SLC24A2: variants seen among roughly 807,000 people sequenced by gnomAD.
SLC24A2 encodes solute carrier family 24 member 2, also known as sodium/potassium/calcium exchanger 2.
Under a neutral mutation model 62.0 loss-of-function variants are expected in SLC24A2, and 36 were observed. That is an observed-to-expected ratio of 0.58 (90% confidence interval 0.44 to 0.77). The LOEUF is 0.77. Ranked by LOEUF, SLC24A2 falls within the 30% of genes least tolerant of loss-of-function variation. The pLI is 0.00. For missense variants in SLC24A2, 846 were observed against 817.9 expected (o/e 1.03, Z -0.42); for synonymous variants, 358 against 294.0 (o/e 1.22, Z -2.23).
chr9:20,306,763 C>T, the SLC24A2 span, among the ~76,000 whole-genome samples: 11 of 152,214 alleles, frequency 7.2e-5, no homozygotes, highest in African/African-American at 2.7e-4. Context: ...GTGGCGTGAT[C>T]TTGGTCCACT....
rs527865050 is a variant in SLC24A2 at position 19,510,797 on chromosome 9, G to C, written c.*5356C>G. 1.3e-5 allele frequency: 2 copies of C among 152,196 alleles called. No individual in the cohort carries two copies. The highest frequency in any genetic ancestry group is 2.9e-5 in the Non-Finnish European group (2 of 68,046). The allele number at this position is 152,196 out of a possible 1,614,324, so 9.4% of individuals were successfully genotyped here. ...TGCTCTACACAGTCCCTCACTGTTCGTACGCTAATTTGAAAACAGTTGCCT... is the reference window on the plus strand; with the variant it reads ...TGCTCTACACAGTCCCTCACTGTTCCTACGCTAATTTGAAAACAGTTGCCT... On this transcript the variant is annotated 3_prime_UTR_variant, in exon 11 of 11. Coordinates refer to ENST00000341998, the MANE Select transcript of SLC24A2 (RefSeq NM_020344.4).
At chr9:19,883,604 C>T in the SLC24A2 span, among the ~76,000 whole-genome samples, 8 of 149,094 alleles carry the variant, frequency 5.4e-5, no homozygotes, top group African/African-American at 1.2e-4. Flanking sequence ...CTTGCTCTGT[C>T]GCCCAGGCTG....
At chr9:20,250,093 C>T in the SLC24A2 span, among the ~76,000 whole-genome samples, 1 of 152,154 alleles carries the variant, frequency 6.6e-6, no homozygotes, top group South Asian at 2.1e-4. Flanking sequence ...ATAGCAAGAC[C>T]TGTTATGATT....
chr9:19,558,101 C>T (rs1835187805), intron 7 of SLC24A2, among the ~76,000 whole-genome samples: 1 of 152,140 alleles, frequency 6.6e-6, no homozygotes, highest in South Asian at 2.1e-4. Context: ...CTGTTCCAGG[C>T]CTCACATTTC....
chr9:19,642,183 C>T (rs1418294081), intron 2 of SLC24A2, among the ~76,000 whole-genome samples: 3 of 152,126 alleles, frequency 2.0e-5, no homozygotes, highest in African/African-American at 4.8e-5. Context: ...CCAGGTGGGA[C>T]AGAGACTAGG....
At chr9:20,004,863 AGAG>A in the SLC24A2 span, among the ~76,000 whole-genome samples, 2 of 152,046 alleles carry the variant, frequency 1.3e-5, no homozygotes, top group East Asian at 1.9e-4. Flanking sequence ...GTTGATGTAA[AGAG>A]GAGATTTCTG....
chr9:19,643,070 G>A (rs1818549375), intron 2 of SLC24A2, among the ~76,000 whole-genome samples: 1 of 147,300 alleles, frequency 6.8e-6, no homozygotes, highest in Non-Finnish European at 1.5e-5. Context: ...TTTATTCAGT[G>A]ATAAAAACCA....
intron 7 of SLC24A2, among the ~76,000 whole-genome samples, chr9:19,553,318 T>C (rs1022636374): frequency 1.3e-5 from 2 of 152,056 alleles, no homozygotes; most frequent in Non-Finnish European, 2.9e-5. Context: ...TTTCCTAGAG[T>C]TGTGGTATGC....
chr9:19,720,093 A>G (rs1309027012), intron 2 of SLC24A2, among the ~76,000 whole-genome samples: 1 of 152,248 alleles, frequency 6.6e-6, no homozygotes, highest in South Asian at 2.1e-4. Flanking sequence ...TGCTAGTACT[A>G]TTAGGTTGGT....
Position 19,513,184 on chromosome 9 carries a change from A to G in SLC24A2, c.*2969T>C, listed in dbSNP as rs368305660. On this transcript the variant is annotated 3_prime_UTR_variant, in exon 11 of 11. Coordinates refer to ENST00000341998, the MANE Select transcript of SLC24A2 (RefSeq NM_020344.4). ...TATATATATATATATATGTATATAT[A>G]TATATATGTATATATTTATATATGT... The G allele has an allele frequency of 1.9e-4, 18 of 93,432 alleles. No homozygotes were observed. The highest frequency in any genetic ancestry group is 6.5e-4 in the African/African-American group (16 of 24,640). 5.8% of individuals were successfully genotyped at this position (93,432 alleles called of 1,614,324 possible).
the SLC24A2 span, among the ~76,000 whole-genome samples, chr9:20,306,605 A>C: frequency 2.0e-5 from 3 of 152,158 alleles, no homozygotes; most frequent in Non-Finnish European, 4.4e-5. Flanking sequence ...CACATCCACT[A>C]ATTGGGCAGG....
the SLC24A2 span, among the ~76,000 whole-genome samples, chr9:20,123,653 G>A: frequency 6.6e-6 from 1 of 152,100 alleles, no homozygotes; most frequent in African/African-American, 2.4e-5. Context: ...TTGTCATGTG[G>A]ACTGAGCTAA....
chr9:20,087,012 C>G, the SLC24A2 span, among the ~76,000 whole-genome samples: 1 of 152,174 alleles, frequency 6.6e-6, no homozygotes, highest in Non-Finnish European at 1.5e-5. Context: ...AACTCAGATA[C>G]TTCAAAGGTG....
chr9:19,720,976 A>G (rs1821010010), intron 2 of SLC24A2, among the ~76,000 whole-genome samples: 2 of 151,964 alleles, frequency 1.3e-5, no homozygotes, highest in South Asian at 4.2e-4. Context: ...ATAGTGCTTG[A>G]CACAAGTGAC....
chr9:20,120,293 A>G, the SLC24A2 span, among the ~76,000 whole-genome samples: 1 of 152,148 alleles, frequency 6.6e-6, no homozygotes, highest in East Asian at 1.9e-4. Context: ...TAGCAAAGAC[A>G]TGGAATCAAC....
the SLC24A2 span, among the ~76,000 whole-genome samples, chr9:19,837,382 G>T: frequency 1.5e-4 from 21 of 144,078 alleles, no homozygotes; most frequent in Admixed American, 3.5e-4. Context: ...AACCCGGGAA[G>T]TGGAGCTTGC....
intron 8 of SLC24A2, among the ~76,000 whole-genome samples, chr9:19,549,273 G>A (rs1437097577): frequency 6.6e-6 from 1 of 152,138 alleles, no homozygotes; most frequent in East Asian, 1.9e-4. Flanking sequence ...AGAGACAAAC[G>A]CTGTGGGGGT....
intron 2 of SLC24A2, among the ~76,000 whole-genome samples, chr9:19,775,796 TAG>T (rs973148880): frequency 1.4e-4 from 21 of 152,292 alleles, no homozygotes; most frequent in African/African-American, 4.6e-4. Context: ...GCTCATTCAG[TAG>T]AGTGATGTCT....
chr9:20,301,103 G>A, the SLC24A2 span, among the ~76,000 whole-genome samples: 2 of 152,154 alleles, frequency 1.3e-5, no homozygotes. Context: ...AGGCCACAAA[G>A]GCACATTGCT....
Sources: allele counts gnomAD v4.1 joint callset (sites outside exome capture counted in the v4.1 genomes callset), GRCh38; gene constraint gnomAD v4.1.1; transcripts MANE v1.5; gene names NCBI Gene and HGNC (gene_info 2026-07-23, HGNC 2026-07-21).